Variants in PCDHA9 observed in about 807,000 individuals in gnomAD.
PCDHA9 encodes the protein protocadherin alpha-9.
A neutral mutation model predicts 62.0 loss-of-function variants in PCDHA9; 62 were observed. The observed-to-expected ratio is 1.00, with a 90% CI of 0.81 to 1.23. The LOEUF is 1.23. Ranked by LOEUF, PCDHA9 falls within the 50% of genes most tolerant of loss-of-function variation. PCDHA9 has a pLI of 0.00. For synonymous variants in PCDHA9, 557 were observed against 567.6 expected (o/e 0.98, Z 0.27); for missense variants, 1,205 against 1,249.8 (o/e 0.96, Z 0.54).
chr5:140,973,390 AATC>A (rs1554235235), intron 1 of PCDHA9, among the ~76,000 whole-genome samples: 1 of 152,224 alleles, frequency 6.6e-6, no homozygotes, highest in East Asian at 1.9e-4. Context: ...TAGACAAAGA[AATC>A]ATATCTATGA....
Position 140,873,289 on chromosome 5 carries a change from C to T in PCDHA9, c.2394+22400C>T, listed in dbSNP as rs542998877. On this transcript the variant is annotated intron_variant, in intron 1 of 3. Transcript: ENST00000532602. ...TTAAACCATCATACCACTTATGAAA[C>T]TTTATAAATATAATAAAGGTGAATA... Among the ~76,000 whole-genome samples, 19 of 152,188 alleles carry T rather than the reference C, an allele frequency of 1.2e-4. No homozygotes were observed. In the South Asian group the frequency reaches 3.7e-3, roughly 30 times the overall value.
intron 3 of PCDHA9, among the ~76,000 whole-genome samples, chr5:141,009,142 G>T (rs1374390797): frequency 2.0e-5 from 3 of 152,204 alleles, no homozygotes; most frequent in Non-Finnish European, 4.4e-5. Context: ...GAAAAAACCT[G>T]CCCTCTTGCT....
chr5:140,966,410 A>G lies in PCDHA9; in HGVS notation c.2395-12539A>G, dbSNP rs530944149. The G allele has an allele frequency of 1.9e-3, 807 of 419,248 alleles. 2 individuals carry two copies. Among genetic ancestry groups the G allele is most frequent in the South Asian group, 7.3e-3 (70 of 9,536 alleles). The allele number at this position is 419,248 out of a possible 1,614,324, so 26.0% of individuals were successfully genotyped here. The stretch of plus-strand genomic sequence containing the variant: ...GTCCGCCACTTCGGCGCGGAATCAG[A>G]GCAGGACTTGCTGAGCCCTCCTACC... On this transcript the variant is annotated intron_variant, in intron 1 of 3. Coordinates refer to ENST00000532602, the MANE Select transcript of PCDHA9 (RefSeq NM_031857.2).
intron 1 of PCDHA9, among the ~76,000 whole-genome samples, chr5:140,906,837 A>C (rs543572104): frequency 2.0e-4 from 31 of 152,292 alleles, no homozygotes; most frequent in African/African-American, 7.5e-4. Flanking sequence ...GACTGATTTC[A>C]TCTTGAGAGT....
intron 1 of PCDHA9, chr5:140,870,608 C>G (rs1408684171): frequency 6.2e-7 from 1 of 1,613,106 alleles, no homozygotes; most frequent in African/African-American, 1.3e-5. Flanking sequence ...GGCGACCGCG[C>G]GCTGTCGAGC....
intron 1 of PCDHA9, chr5:140,871,710 C>A: frequency 3.6e-6 from 3 of 826,484 alleles, no homozygotes; most frequent in South Asian, 4.5e-5. Flanking sequence ...AATAAATGTC[C>A]TATTTCTCTT....
At chr5:140,917,519 T>C (rs1554198226) in intron 1 of PCDHA9, among the ~76,000 whole-genome samples, 1 of 152,256 alleles carries the variant, frequency 6.6e-6, no homozygotes, top group East Asian at 1.9e-4. Context: ...GGTTTTATTC[T>C]ACGGTTTGTA....
At chr5:140,968,173 C>T (rs782043932) in intron 1 of PCDHA9, 10 of 1,614,104 alleles carry the variant, frequency 6.2e-6, no homozygotes, top group Admixed American at 1.7e-5. Flanking sequence ...CACCAAGCTT[C>T]CTGGAGGACT....
At chr5:140,910,099 T>G (rs1554194123) in intron 1 of PCDHA9, among the ~76,000 whole-genome samples, 1 of 152,230 alleles carries the variant, frequency 6.6e-6, no homozygotes, top group African/African-American at 2.4e-5. Context: ...CAGCCTCCCC[T>G]TCATTTAAGG....
chr5:140,849,809 G>C lies in PCDHA9; in HGVS notation c.1314G>C (p.Thr438=), dbSNP rs147465571. The change falls in exon 1 of 4, where the codon ACG becomes ACC. Residue 438 remains threonine, a synonymous_variant. Transcript: ENST00000532602. ...GGGGCTCGCCTTCACTGTGGGCCACGGCCAGGGTGTCTGTGGAGGTGGCCG... is the reference window on the plus strand; with the variant it reads ...GGGGCTCGCCTTCACTGTGGGCCACCGCCAGGGTGTCTGTGGAGGTGGCCG... ...RDGGSPSLWA[T]ARVSVEVADV... is the part of the protein sequence containing the mutation. The C allele has an allele frequency of 8.8e-6, 14 of 1,598,384 alleles. No homozygotes were observed. Among genetic ancestry groups the C allele is most frequent in the East Asian group, 2.2e-5 (1 of 44,848 alleles).
At chr5:140,952,161 G>A (rs1002170545) in intron 1 of PCDHA9, among the ~76,000 whole-genome samples, 1 of 152,046 alleles carries the variant, frequency 6.6e-6, no homozygotes, top group Non-Finnish European at 1.5e-5. Flanking sequence ...GCTTTGTGGG[G>A]TTCAGTTCCT....
chr5:140,961,234 G>A (rs2095598781), intron 1 of PCDHA9, among the ~76,000 whole-genome samples: 1 of 152,180 alleles, frequency 6.6e-6, no homozygotes, highest in South Asian at 2.1e-4. Context: ...CCAAAAAGGT[G>A]ATGGAATTTA....
intron 1 of PCDHA9, among the ~76,000 whole-genome samples, chr5:140,959,390 A>G (rs1554224055): frequency 6.6e-6 from 1 of 152,146 alleles, no homozygotes; most frequent in African/African-American, 2.4e-5. Context: ...AAAAGTCACA[A>G]ATTAAGATAA....
At chr5:140,962,719 T>G (rs928199903) in intron 1 of PCDHA9, among the ~76,000 whole-genome samples, 1 of 152,224 alleles carries the variant, frequency 6.6e-6, no homozygotes, top group Non-Finnish European at 1.5e-5. Flanking sequence ...TTGGAAAGTA[T>G]TTTCCTTCTG....
chr5:140,856,611 A>T (rs782801357), intron 1 of PCDHA9: 2 of 1,598,100 alleles, frequency 1.3e-6, no homozygotes, highest in Non-Finnish European at 1.7e-6. Context: ...AAAGACAAAG[A>T]CAAATTCCCA....
chr5:140,956,678 A>C (rs1442214825), intron 1 of PCDHA9, among the ~76,000 whole-genome samples: 2 of 152,104 alleles, frequency 1.3e-5, no homozygotes, highest in Non-Finnish European at 2.9e-5. Context: ...GTTAGGGAGG[A>C]GTACCTCCTT....
chr5:140,944,206 T>C (rs1291391135), intron 1 of PCDHA9, among the ~76,000 whole-genome samples: 1 of 152,156 alleles, frequency 6.6e-6, no homozygotes, highest in Non-Finnish European at 1.5e-5. Context: ...GTTTTGTTTT[T>C]AAAGAGGGTT....
At position 140,849,548 on chromosome 5, in the gene PCDHA9, T is replaced by C; in HGVS notation, c.1053T>C (p.Thr351=). 1 of 1,598,372 alleles carries C rather than the reference T, an allele frequency of 6.3e-7. No homozygotes were observed. The highest frequency in any genetic ancestry group is 8.6e-7 in the Non-Finnish European group (1 of 1,167,840). The change falls in exon 1 of 4, where the codon ACT becomes ACC. Residue 351 remains threonine (T), a synonymous_variant. Coordinates refer to ENST00000532602, the MANE Select transcript of PCDHA9 (RefSeq NM_031857.2). ...VDVNDNAPQL[T]IKTLSVPVKE... ...TAAATGACAATGCTCCACAGTTGAC[T>C]ATCAAAACGCTCTCGGTTCCTGTAA...
At chr5:140,918,027 G>C (rs782291548) in intron 1 of PCDHA9, among the ~76,000 whole-genome samples, 2 of 152,108 alleles carry the variant, frequency 1.3e-5, no homozygotes, top group East Asian at 3.8e-4. Context: ...ACCCATGAGC[G>C]TGGAAGGTCT....
Sources: gnomAD v4.1 joint callset for allele counts (sites outside exome capture counted in the v4.1 genomes callset) on GRCh38, gnomAD v4.1.1 for gene constraint, MANE v1.5 for transcripts, NCBI Gene and HGNC (gene_info 2026-07-23, HGNC 2026-07-21) for gene names.